KLF13: variants seen among roughly 807,000 people sequenced by gnomAD.
KLF13 encodes KLF transcription factor 13, also known as Krueppel-like factor 13.
KLF13 carries 8 observed loss-of-function variants against 16.7 expected under a neutral mutation model. The ratio of observed to expected loss-of-function variants is 0.48; its 90% CI spans 0.28 to 0.87. The LOEUF is 0.87. Among genes scored for constraint, KLF13 ranks in the 40% least tolerant of loss-of-function variants. The pLI, the probability that KLF13 is intolerant of heterozygous loss-of-function variation, is 0.10. For synonymous variants in KLF13, 245 were observed against 208.4 expected (o/e 1.18, Z -1.51); for missense variants, 447 against 452.2 (o/e 0.99, Z 0.10).
chr15:31,423,601 C>T (rs2040370270), intron 1 of KLF13, among the ~76,000 whole-genome samples: 1 of 152,176 alleles, frequency 6.6e-6, no homozygotes, highest in South Asian at 2.1e-4. Context: ...CATTGCACTC[C>T]AGCCTGGGTG....
chr15:31,388,211 A>ATTGT (rs773512101), upstream of KLF13, among the ~76,000 whole-genome samples: 4 of 152,066 alleles, frequency 2.6e-5, no homozygotes, highest in Non-Finnish European at 5.9e-5. Flanking sequence ...TGTTTGTTTG[A>ATTGT]TTGTTTGTTT....
In KLF13 at chr15:31,376,214, G is replaced by A. The variant is rs1318995558; in HGVS notation, c.*3915G>A. On this transcript the variant is annotated 3_prime_UTR_variant, in exon 2 of 2. Transcript: ENST00000307145. Reference sequence around the variant, plus strand: ...CGGGACCCATTCAGGATCTCAGCTGGGCAGGGGTGCCACCCAACAGGAAGA... The same window carrying A: ...CGGGACCCATTCAGGATCTCAGCTGAGCAGGGGTGCCACCCAACAGGAAGA... The A allele has an allele frequency of 6.5e-6, 1 of 152,714 alleles. No individual in the cohort carries two copies. Among genetic ancestry groups the A allele is most frequent in the East Asian group, 1.9e-4 (1 of 5,196 alleles). 9.5% of individuals were successfully genotyped at this position (152,714 alleles called of 1,614,324 possible). A position where few individuals can be genotyped will look rare whatever the true frequency, so the allele number is the denominator to read the frequency against.
chr15:31,348,833 G>A (rs770379721), intron 1 of KLF13, among the ~76,000 whole-genome samples: 3 of 152,110 alleles, frequency 2.0e-5, no homozygotes, highest in Admixed American at 2.0e-4. Flanking sequence ...AGATTAAGGC[G>A]CTGGCAGATT....
At chr15:31,367,751 C>T (rs980966696) in intron 1 of KLF13, among the ~76,000 whole-genome samples, 1 of 152,176 alleles carries the variant, frequency 6.6e-6, no homozygotes, top group Non-Finnish European at 1.5e-5. Flanking sequence ...CAGGAGTGGA[C>T]CTTTGGAACG....
At chr15:31,371,569 T>C (rs1185921985) in intron 1 of KLF13, among the ~76,000 whole-genome samples, 1 of 152,052 alleles carries the variant, frequency 6.6e-6, no homozygotes, top group African/African-American at 2.4e-5. Flanking sequence ...GGGTGCAGAG[T>C]GTGGCTCCCA....
intron 1 of KLF13, among the ~76,000 whole-genome samples, chr15:31,343,745 G>A (rs553093179): frequency 3.3e-5 from 5 of 152,282 alleles, no homozygotes; most frequent in East Asian, 1.9e-4. Flanking sequence ...CACAGCCCTC[G>A]GGCCAGGCTG....
upstream of KLF13, among the ~76,000 whole-genome samples, chr15:31,391,643 G>C (rs1043796308): frequency 1.3e-5 from 2 of 150,982 alleles, 1 homozygote; most frequent in South Asian, 4.2e-4. Flanking sequence ...AGGTCTAGGC[G>C]GCTGCCGTGG....
chr15:31,350,623 G>A (rs1033096011), intron 1 of KLF13, among the ~76,000 whole-genome samples: 2 of 152,250 alleles, frequency 1.3e-5, no homozygotes, highest in Admixed American at 6.5e-5. Context: ...GTAGCTTGGC[G>A]TGTAAGGTGG....
rs1218921356 is a variant in KLF13 at position 31,428,802 on chromosome 15, C to CA, written n.118-6545dup. ...TGGGCGAAAGAGTGAGACTCTATCT[C>CA]AAAAAAAAAAAAAAAAAAAAAAAGA... On this transcript the variant is annotated intron_variant and non_coding_transcript_variant, in intron 1 of 1. Transcript: ENST00000558225. Among the ~76,000 whole-genome samples the CA allele has an allele frequency of 6.0e-4, 37 of 61,872 alleles. 1 individual carries two copies. Among genetic ancestry groups the CA allele is most frequent in the African/African-American group, 1.2e-3 (18 of 15,394 alleles). 40.6% of individuals were successfully genotyped at this position (61,872 alleles called of 152,430 possible).
At chr15:31,370,825 TC>T (rs1378328481) in intron 1 of KLF13, among the ~76,000 whole-genome samples, 2 of 152,214 alleles carry the variant, frequency 1.3e-5, no homozygotes, top group Non-Finnish European at 2.9e-5. Context: ...GTTAAAATTT[TC>T]TTCTCTTTCC....
At chr15:31,336,659 G>A (rs1442087882) in intron 1 of KLF13, among the ~76,000 whole-genome samples, 1 of 152,166 alleles carries the variant, frequency 6.6e-6, no homozygotes, top group Non-Finnish European at 1.5e-5. Flanking sequence ...AGGGGTGTCT[G>A]CAAGGAATTG....
intron 1 of KLF13, among the ~76,000 whole-genome samples, chr15:31,413,185 G>GAA (rs1243053850): frequency 3.0e-5 from 1 of 32,954 alleles, no homozygotes; most frequent in African/African-American, 1.3e-4. Flanking sequence ...AAAATGAATA[G>GAA]ACAAAAAAAA....
intron 1 of KLF13, among the ~76,000 whole-genome samples, chr15:31,338,372 T>C (rs1334932162): frequency 6.6e-6 from 1 of 152,176 alleles, no homozygotes; most frequent in Non-Finnish European, 1.5e-5. Context: ...TGCTTGTATA[T>C]GCGCATGCAC....
intron 1 of KLF13, among the ~76,000 whole-genome samples, chr15:31,359,838 C>G (rs1479197638): frequency 6.6e-6 from 1 of 152,174 alleles, no homozygotes; most frequent in East Asian, 1.9e-4. Context: ...GCTTACTCTC[C>G]CTCGTCTACC....
In KLF13 at chr15:31,374,794, A is replaced by G. The variant is rs374257576; in HGVS notation, c.*2495A>G. ...TGTCTGCACATAGGAAGGAAAAGAT[A>G]GGACTCTAAACCTAGTCATCTTGGA... On this transcript the variant is annotated 3_prime_UTR_variant, in exon 2 of 2. Coordinates refer to ENST00000307145, the MANE Select transcript of KLF13 (RefSeq NM_015995.4). 7.2e-5 allele frequency: 10 copies of G among 139,164 alleles called. No individual in the cohort carries two copies. The highest frequency in any genetic ancestry group is 5.7e-4 in the Admixed American group (7 of 12,246). The allele number at this position is 139,164 out of a possible 1,614,324, so 8.6% of individuals were successfully genotyped here.
At chr15:31,343,773 GTGCCCACTGAC>G (rs1341432041) in intron 1 of KLF13, among the ~76,000 whole-genome samples, 1 of 152,206 alleles carries the variant, frequency 6.6e-6, no homozygotes, top group Non-Finnish European at 1.5e-5. Context: ...ATGTGGGGAT[GTGCCCACTGAC>G]TGCGGGTCAC....
rs549735440 is a variant in KLF13, at chr15:31,419,388, A to G, written n.118-15982A>G. On this transcript the variant is annotated intron_variant and non_coding_transcript_variant, in intron 1 of 1. Coordinates refer to the KLF13 transcript ENST00000558225. ...GTCTTAAAGAACTTCAATGTGATAC[A>G]AGAGTACACAGATAGACAACTAAAA... Among the ~76,000 whole-genome samples the G allele has an allele frequency of 9.2e-5, 14 of 152,350 alleles. No homozygotes were observed. In the East Asian group the frequency reaches 2.7e-3, roughly 29 times the overall value.
At position 31,413,205 on chromosome 15, in the gene KLF13, A is replaced by C. The variant is rs1487877506; in HGVS notation, n.117+19514A>C. ...GAATAGACAAAAAAAAAAAAAAACAAAAAACAAAAAAACCAGCCTCAGAGA... is the reference window on the plus strand; with the variant it reads ...GAATAGACAAAAAAAAAAAAAAACACAAAACAAAAAAACCAGCCTCAGAGA... On this transcript the variant is annotated intron_variant and non_coding_transcript_variant, in intron 1 of 1. Coordinates refer to the KLF13 transcript ENST00000558225. Among the ~76,000 whole-genome samples the C allele has an allele frequency of 1.7e-3, 228 of 134,780 alleles. 2 individuals are homozygous for C. Among genetic ancestry groups the C allele is most frequent in the Middle Eastern group, 7.6e-3 (2 of 264 alleles). The allele number at this position is 134,780 out of a possible 152,430, so 88.4% of individuals were successfully genotyped here.
At chr15:31,434,574 G>A (rs1174506085) in intron 1 of KLF13, among the ~76,000 whole-genome samples, 1 of 152,162 alleles carries the variant, frequency 6.6e-6, no homozygotes, top group African/African-American at 2.4e-5. Context: ...GGCGTGGAAG[G>A]GACTTTTGAG....
Sources: gnomAD v4.1 joint callset for allele counts (sites outside exome capture counted in the v4.1 genomes callset) on GRCh38, gnomAD v4.1.1 for gene constraint, MANE v1.5 for transcripts, NCBI Gene and HGNC (gene_info 2026-07-23, HGNC 2026-07-21) for gene names.